The following KCNQ2 variants were observed in gnomAD, a reference collection of about 807,000 sequenced individuals.
The protein encoded by KCNQ2 is potassium voltage-gated channel subfamily Q member 2, also known as potassium voltage-gated channel subfamily KQT member 2.
A neutral mutation model predicts 84.8 loss-of-function variants in KCNQ2; 14 were observed. The ratio of observed to expected loss-of-function variants is 0.17; its 90% CI spans 0.11 to 0.26. KCNQ2 has a LOEUF of 0.26. Among genes scored for constraint, KCNQ2 ranks in the 10% least tolerant of loss-of-function variants. The pLI is 1.00. For synonymous variants in KCNQ2, 599 were observed against 554.1 expected (o/e 1.08, Z -1.14); for missense variants, 788 against 1,254.0 (o/e 0.63, Z 5.61).
In KCNQ2 at chr20:63,415,343, C is replaced by T. The variant is rs1456628253; in HGVS notation, c.1302-217G>A. On this transcript the variant is annotated intron_variant, in intron 12 of 16. Coordinates refer to ENST00000359125, the MANE Select transcript of KCNQ2 (RefSeq NM_172107.4). ...GAGGGGAGGCCACGGGGACCGAGCA[C>T]CCGGTGGGAGGGAGGGAGGGGAGGC... Among the ~76,000 whole-genome samples the T allele has an allele frequency of 1.8e-4, 27 of 146,718 alleles. 1 individual carries two copies. Among genetic ancestry groups the T allele is most frequent in the African/African-American group, 6.8e-4 (26 of 38,412 alleles).
intron 1 of KCNQ2, among the ~76,000 whole-genome samples, chr20:63,465,695 G>GCC (rs1568976682): frequency 2.6e-5 from 4 of 152,170 alleles, no homozygotes; most frequent in African/African-American, 9.7e-5. Flanking sequence ...TTGAACAGGT[G>GCC]CCGCCCACCC....
In KCNQ2 at chr20:63,403,401, CGT is replaced by C. The variant is rs145515818; in HGVS notation, c.*3241_*3242del. The C allele has an allele frequency of 9.3e-3, 1,413 of 152,414 alleles. 10 individuals are homozygous for C. The highest frequency in any genetic ancestry group is 0.015 in the Non-Finnish European group (1,010 of 68,108). The allele number at this position is 152,414 out of a possible 1,614,324, so 9.4% of individuals were successfully genotyped here. On this transcript the variant is annotated 3_prime_UTR_variant, in exon 17 of 17. Transcript: ENST00000359125. ...GAAGTGCGAGGAGTGTGCATGCACG[CGT>C]GTGTGTGTGCATGTGTGCAGTGTGC...
In KCNQ2 at chr20:63,455,904, C is replaced by A. The variant is rs533617220; in HGVS notation, c.297-9067G>T. On this transcript the variant is annotated intron_variant, in intron 1 of 16. Coordinates refer to ENST00000359125, the MANE Select transcript of KCNQ2 (RefSeq NM_172107.4). ...CCGGGAGACCCCTGTGCTCACGGGC[C>A]CCCCACCTCCGGGAGGCCCCTCTGC... 3.3e-4 allele frequency among the ~76,000 whole-genome samples: 39 copies of A among 116,798 alleles called. No individual in the cohort carries two copies. In the South Asian group the frequency reaches 0.011, roughly 34 times the overall value. 76.6% of individuals were successfully genotyped at this position (116,798 alleles called of 152,430 possible).
At chr20:63,410,720 C>T (rs1338871898) in intron 15 of KCNQ2, among the ~76,000 whole-genome samples, 1 of 152,232 alleles carries the variant, frequency 6.6e-6, no homozygotes, top group East Asian at 1.9e-4. Flanking sequence ...CTTGGCCTCA[C>T]AGGCAGAAAC....
In KCNQ2 at chr20:63,400,819, C is replaced by T; in HGVS notation, c.*5825G>A. 2.5e-6 allele frequency: 1 copy of T among 398,472 alleles called. No individual in the cohort carries two copies. The allele number at this position is 398,472 out of a possible 1,614,324, so 24.7% of individuals were successfully genotyped here. ...ACCCCTCCGTGAGACCCCTCCTGCC[C>T]TGCGCGTGTCTCTGGAGCCCGTCCC... On this transcript the variant is annotated 3_prime_UTR_variant, in exon 17 of 17. Transcript: ENST00000359125. The surrounding 1 kb of genome is among the most constrained non-coding windows in gnomAD (Gnocchi z 8.7).
chr20:63,440,000 G>C (rs1444928259), intron 5 of KCNQ2, among the ~76,000 whole-genome samples: 3 of 152,274 alleles, frequency 2.0e-5, no homozygotes, highest in African/African-American at 7.2e-5. Context: ...GGCTCGGCTA[G>C]GACAGCAGCC....
intron 2 of KCNQ2, 126 bp from the exon 3 acceptor site, chr20:63,445,490 A>T: frequency 1.1e-6 from 1 of 897,504 alleles, no homozygotes; most frequent in African/African-American, 2.2e-5. Flanking sequence ...CCCAAAGGAA[A>T]CTGCAAGCTG....
At chr20:63,454,326 G>T (rs1364028988) in intron 1 of KCNQ2, among the ~76,000 whole-genome samples, 1 of 152,190 alleles carries the variant, frequency 6.6e-6, no homozygotes, top group Non-Finnish European at 1.5e-5. Context: ...CAACAGCTCC[G>T]ACTTTTGTTT....
intron 15 of KCNQ2, among the ~76,000 whole-genome samples, chr20:63,412,771 C>A (rs1568873571): frequency 6.6e-6 from 1 of 152,194 alleles, no homozygotes; most frequent in Admixed American, 6.5e-5. Flanking sequence ...AGGGAGGGGA[C>A]CCTGATAGGC....
At chr20:63,465,568 CTGGTG>C (rs2082058531) in intron 1 of KCNQ2, among the ~76,000 whole-genome samples, 1 of 152,220 alleles carries the variant, frequency 6.6e-6, no homozygotes, top group Non-Finnish European at 1.5e-5. Context: ...GGCACACGGG[CTGGTG>C]AGCGTAGGGG....
At position 63,414,881 on chromosome 20, in the gene KCNQ2, G is replaced by T; in HGVS notation, c.1525+22C>A. On this transcript the variant is annotated intron_variant, in intron 13 of 16. Transcript: ENST00000359125. This position sits in a 1 kb window ranked among gnomAD's most constrained non-coding sequence, Gnocchi z 6.6. Reference sequence around the variant, plus strand: ...TCCATCCCCGGAGAGGATGGACCAGGAGAGGATGCGGCCACACCCACCTTC... The same window carrying T: ...TCCATCCCCGGAGAGGATGGACCAGTAGAGGATGCGGCCACACCCACCTTC... 1 of 1,608,820 alleles carries T rather than the reference G, an allele frequency of 6.2e-7. No homozygotes were observed. Among genetic ancestry groups the T allele is most frequent in the South Asian group, 1.1e-5 (1 of 90,954 alleles).
At chr20:63,442,724 AT>A (rs1568934021) in intron 4 of KCNQ2, among the ~76,000 whole-genome samples, 193 bp from the exon 5 acceptor site, 14 of 64,450 alleles carry the variant, frequency 2.2e-4, no homozygotes, top group African/African-American at 2.5e-4. Context: ...CACCACCACC[AT>A]CATCACCACC....
intron 1 of KCNQ2, among the ~76,000 whole-genome samples, chr20:63,447,760 A>C (rs561221217): frequency 6.6e-6 from 1 of 151,990 alleles, no homozygotes; most frequent in South Asian, 2.1e-4. Flanking sequence ...ACACCAGGCT[A>C]ATTTTTGTAT....
At position 63,408,376 on chromosome 20, in the gene KCNQ2, C is replaced by G. The variant is rs566808083; in HGVS notation, c.1887+37G>C. ...CAGGTTGACGGCAGGCACCACAGCC[C>G]TCCAGCCCCGCACCCCTCCCGCCCA... On this transcript the variant is annotated intron_variant, in intron 16 of 16. Transcript: ENST00000359125. The surrounding 1 kb of genome is among the most constrained non-coding windows in gnomAD (Gnocchi z 5.0). The G allele has an allele frequency of 1.6e-3, 2,577 of 1,601,360 alleles. 58 individuals are homozygous for G. In the South Asian group the frequency reaches 0.025, roughly 16 times the overall value.
At chr20:63,413,711 C>A in intron 14 of KCNQ2, 130 bp from the exon 15 acceptor site, 1 of 997,668 alleles carries the variant, frequency 1.0e-6, no homozygotes, top group Non-Finnish European at 1.5e-6. Context: ...GTCTGCCGCC[C>A]ACCAGCTCCA....
At chr20:63,416,620 C>G (rs979060243) in intron 12 of KCNQ2, among the ~76,000 whole-genome samples, 2 of 152,182 alleles carry the variant, frequency 1.3e-5, no homozygotes, top group Non-Finnish European at 2.9e-5. Flanking sequence ...CCCCGCAGAT[C>G]CCTGACACAC....
At chr20:63,443,185 T>TCAC (rs201627426) in intron 4 of KCNQ2, among the ~76,000 whole-genome samples, 1 of 65,578 alleles carries the variant, frequency 1.5e-5, no homozygotes, top group African/African-American at 6.6e-5. Flanking sequence ...ACCATCACCA[T>TCAC]CACCACCACC....
Position 63,406,761 on chromosome 20 carries a change from A to G in KCNQ2, c.2502T>C (p.Ile834=), listed in dbSNP as rs2145482577. Residue 834 remains isoleucine, a synonymous_variant, in exon 17 of 17, where the codon ATT becomes ATC. Transcript: ENST00000359125. ...VAPCAKVRPY[I]AEGESDTDSD... is the part of the protein sequence containing the mutation. ...AGTCGGTGTCTGACTCTCCCTCCGCAATGTAGGGCCTGACTTTGGCACAAG... is the reference window on the plus strand; with the variant it reads ...AGTCGGTGTCTGACTCTCCCTCCGCGATGTAGGGCCTGACTTTGGCACAAG... The G allele has an allele frequency of 6.2e-7, 1 of 1,612,346 alleles. No homozygotes were observed. The highest frequency in any genetic ancestry group is 8.5e-7 in the Non-Finnish European group (1 of 1,179,780).
rs1443849844 is a variant in KCNQ2, at chr20:63,472,314, G to T, written c.150C>A (p.Arg50=). The change falls in exon 1 of 17, where the codon CGC becomes CGA. Residue 50 remains arginine, a synonymous_variant. Coordinates refer to ENST00000359125, the MANE Select transcript of KCNQ2 (RefSeq NM_172107.4). The part of the protein sequence containing the change: ...LLIAGSEAPK[R]GSILSKPRAG... ...CGCGAGGTTTGCTGAGGATGCTGCC[G>T]CGCTTGGGGGCCTCGGAGCCGGCGA... 1.3e-6 allele frequency: 2 copies of T among 1,538,216 alleles called. No individual in the cohort carries two copies. The highest frequency in any genetic ancestry group is 3.4e-4 in the Middle Eastern group (2 of 5,916).
Sources: gnomAD v4.1 joint callset for allele counts (sites outside exome capture counted in the v4.1 genomes callset) on GRCh38, gnomAD v4.1.1 for gene constraint, Gnocchi (gnomAD v3.1) non-coding constraint, MANE v1.5 for transcripts, NCBI Gene and HGNC (gene_info 2026-07-23, HGNC 2026-07-21) for gene names.